PCDH12: variants seen among roughly 807,000 people sequenced by gnomAD.
The protein encoded by PCDH12 is protocadherin-12.
Under a neutral mutation model 70.9 loss-of-function variants are expected in PCDH12, and 45 were observed. The ratio of observed to expected loss-of-function variants is 0.63; its 90% CI spans 0.50 to 0.81. The LOEUF (loss-of-function observed/expected upper bound fraction) is 0.81. Among genes scored for constraint, PCDH12 ranks in the 40% least tolerant of loss-of-function variants. PCDH12 has a pLI of 0.00. For missense variants in PCDH12, 1,370 were observed against 1,491.7 expected, an observed-to-expected ratio of 0.92 and a Z score of 1.34; for synonymous variants, 567 against 626.0, an observed-to-expected ratio of 0.91 and a Z score of 1.41.
At position 141,945,219 on chromosome 5, in the gene PCDH12, C is replaced by T; in HGVS notation, c.*162G>A. The T allele has an allele frequency of 1.2e-6, 1 of 828,558 alleles. No individual in the cohort carries two copies. Among genetic ancestry groups the T allele is most frequent in the Non-Finnish European group, 1.9e-6 (1 of 521,488 alleles). The allele number at this position is 828,558 out of a possible 1,614,324, so 51.3% of individuals were successfully genotyped here. A position where few individuals can be genotyped will look rare whatever the true frequency, so the allele number is the denominator to read the frequency against. ...ACAAGGGGCTGCTTTGGTCAGTCAG[C>T]TGTTAGTCCTGGGGCTCTTGCCTCC... is the stretch of plus-strand genomic sequence containing the variant. On this transcript the variant is annotated 3_prime_UTR_variant, in exon 4 of 4. Coordinates refer to ENST00000231484, the MANE Select transcript of PCDH12 (RefSeq NM_016580.4).
chr5:141,951,850 C>T (rs1753090379), intron 1 of PCDH12, among the ~76,000 whole-genome samples: 2 of 152,232 alleles, frequency 1.3e-5, no homozygotes, highest in South Asian at 2.1e-4. Flanking sequence ...CCCTCATACT[C>T]ATTCCTCCGA....
At chr5:141,949,313 T>C in intron 3 of PCDH12, 119 bp downstream of exon 3, 1 of 1,491,572 alleles carries the variant, frequency 6.7e-7, no homozygotes, top group Non-Finnish European at 8.9e-7. Flanking sequence ...AGTTAAATGT[T>C]GCTGATGTTC....
chr5:141,947,602 C>CT (rs1752970806), intron 3 of PCDH12, among the ~76,000 whole-genome samples: 1 of 152,234 alleles, frequency 6.6e-6, no homozygotes. Flanking sequence ...CTTAACCTCT[C>CT]TAAGCTCCCG....
Position 141,955,868 on chromosome 5 carries a change from T to G in PCDH12, c.1984A>C (p.Asn662His). ...TCACTCCCAATGAGGCTGCTGGCATTGGTGACATTGACGAACAGCTGCCCC... is the reference window on the plus strand; with the variant it reads ...TCACTCCCAATGAGGCTGCTGGCATGGGTGACATTGACGAACAGCTGCCCC... ...HTGQLFVNVT[N>H]ASSLIGSEWE... The change falls in exon 1 of 4, where the codon AAT becomes CAT. Residue 662 changes from asparagine (N) to histidine (H), a missense_variant. Transcript: ENST00000231484. This position sits in a 1 kb window ranked among gnomAD's most constrained non-coding sequence, Gnocchi z 5.5. 1 of 1,614,168 alleles carries G rather than the reference T, an allele frequency of 6.2e-7. No individual in the cohort carries two copies. Among genetic ancestry groups the G allele is most frequent in the Non-Finnish European group, 8.5e-7 (1 of 1,180,030 alleles).
Position 141,944,444 on chromosome 5 carries a change from T to C in PCDH12, c.*937A>G, listed in dbSNP as rs1752853919. 6.6e-6 allele frequency: 1 copy of C among 152,288 alleles called. No individual in the cohort carries two copies. The highest frequency in any genetic ancestry group is 2.4e-5 in the African/African-American group (1 of 41,464). The allele number at this position is 152,288 out of a possible 1,614,324, so 9.4% of individuals were successfully genotyped here. ...CCCGAGGGAGCTCGAGCAAGTTCAC[T>C]GCTGCCAACAGCTCACCTCCAGGGC... On this transcript the variant is annotated 3_prime_UTR_variant, in exon 4 of 4. Transcript: ENST00000231484.
chr5:141,957,946 G>T lies in PCDH12; in HGVS notation c.-95C>A. On this transcript the variant is annotated 5_prime_UTR_variant, in exon 1 of 4. Coordinates refer to ENST00000231484, the MANE Select transcript of PCDH12 (RefSeq NM_016580.4). The surrounding 1 kb of genome is among the most constrained non-coding windows in gnomAD (Gnocchi z 4.3). ...TTTCCTGGATGGCTTGATCAGCCCCGTGCTCCTTCCCCCAGAGCTGCCGGC... is the reference window on the plus strand; with the variant it reads ...TTTCCTGGATGGCTTGATCAGCCCCTTGCTCCTTCCCCCAGAGCTGCCGGC... 1.4e-6 allele frequency: 2 copies of T among 1,421,374 alleles called. No homozygotes were observed. The highest frequency in any genetic ancestry group is 1.9e-6 in the Non-Finnish European group (2 of 1,057,412). 88.0% of individuals were successfully genotyped at this position (1,421,374 alleles called of 1,614,324 possible). A position where few individuals can be genotyped will look rare whatever the true frequency, so the allele number is the denominator to read the frequency against.
At chr5:141,953,271 C>T (rs113295532) in intron 1 of PCDH12, 7 of 152,310 alleles carry the variant, frequency 4.6e-5, no homozygotes, top group African/African-American at 1.7e-4. Flanking sequence ...GAAAATTACT[C>T]AGTTTCCTCA....
chr5:141,946,880 A>T (rs1451561401), intron 3 of PCDH12, among the ~76,000 whole-genome samples: 1 of 147,216 alleles, frequency 6.8e-6, no homozygotes, highest in East Asian at 2.0e-4. Flanking sequence ...TCTTGGAGTT[A>T]AGAAACAGTG....
chr5:141,957,182 T>A lies in PCDH12; in HGVS notation c.670A>T (p.Lys224Ter). 6.2e-7 allele frequency: 1 copy of A among 1,614,122 alleles called. No homozygotes were observed. The highest frequency in any genetic ancestry group is 8.5e-7 in the Non-Finnish European group (1 of 1,180,016). ...ACCTTGACCAAGCTGGTACCTGACT[T>A]GGGGGGGTTCCCATTGTCATAGGCA... ...LTAYDNGNPP[K>*]SGTSLVKVNV... is the part of the protein sequence containing the mutation. The change falls in exon 1 of 4, where the codon AAG becomes TAG. Residue 224 changes from lysine (K) to a stop codon, truncating the protein, a stop_gained. Transcript: ENST00000231484. LOFTEE classifies it high-confidence loss of function. The surrounding 1 kb of genome is among the most constrained non-coding windows in gnomAD (Gnocchi z 4.3).
rs1362829196 is a variant in PCDH12, at chr5:141,956,619, C to T, written c.1233G>A (p.Met411Ile). ...TGTCCAGTGTGGCATTGGTTAGCAA[C>T]ATGTATGTGTTGCCATTAGTTCTTT... ...RLKRTNGNTY[M>I]LLTNATLDRE... Residue 411 changes from methionine (M) to isoleucine (I), a missense_variant, in exon 1 of 4, where the codon ATG becomes ATA. By Grantham distance (10) the Met-to-Ile change is conservative. Coordinates refer to ENST00000231484, the MANE Select transcript of PCDH12 (RefSeq NM_016580.4). 2.5e-6 allele frequency: 4 copies of T among 1,614,212 alleles called. No homozygotes were observed. Among genetic ancestry groups the T allele is most frequent in the East Asian group, 4.5e-5 (2 of 44,882 alleles).
chr5:141,945,110 C>G lies in PCDH12; in HGVS notation c.*271G>C. 3 of 492,174 alleles carry G rather than the reference C, an allele frequency of 6.1e-6. No homozygotes were observed. Among genetic ancestry groups the G allele is most frequent in the Non-Finnish European group, 1.1e-5 (3 of 276,884 alleles). 30.5% of individuals were successfully genotyped at this position (492,174 alleles called of 1,614,324 possible). A position where few individuals can be genotyped will look rare whatever the true frequency, so the allele number is the denominator to read the frequency against. On this transcript the variant is annotated 3_prime_UTR_variant, in exon 4 of 4. Transcript: ENST00000231484. Reference sequence around the variant, plus strand: ...CATCTGTTCTGCCAGAGGACTGACCCTTTGTGCTCCACATATGTTTTGCCA... The same window carrying G: ...CATCTGTTCTGCCAGAGGACTGACCGTTTGTGCTCCACATATGTTTTGCCA...
At chr5:141,949,649 A>G in intron 2 of PCDH12, 66 bp from the exon 3 acceptor site, 1 of 1,551,458 alleles carries the variant, frequency 6.4e-7, no homozygotes, top group East Asian at 2.3e-5. Flanking sequence ...ATTCATGCCC[A>G]TTCATGTTTG....
At position 141,945,391 on chromosome 5, in the gene PCDH12, C is replaced by G; in HGVS notation, c.3545G>C (p.Arg1182Thr). The G allele has an allele frequency of 7.4e-7, 1 of 1,347,934 alleles. No homozygotes were observed. Among genetic ancestry groups the G allele is most frequent in the Middle Eastern group, 1.9e-4 (1 of 5,378 alleles). 83.5% of individuals were successfully genotyped at this position (1,347,934 alleles called of 1,614,324 possible). Residue 1182 changes from arginine (R) to threonine (T), a missense_variant, in exon 4 of 4, where the codon AGG becomes ACG. By Grantham distance (71) the Arg-to-Thr change is moderately conservative (BLOSUM62 -1). Coordinates refer to ENST00000231484, the MANE Select transcript of PCDH12 (RefSeq NM_016580.4). ...GCGTCTGAGGTATGTTCACAGGCACCTGCTGCTGCTGCTGCTGCCTCTGCT... is the reference window on the plus strand; with the variant it reads ...GCGTCTGAGGTATGTTCACAGGCACGTGCTGCTGCTGCTGCTGCCTCTGCT... ...GKSRGSSSSSRCL is the reference protein window; with the variant it reads ...GKSRGSSSSSTCL
At chr5:141,949,390 T>TG (rs761387059) in intron 3 of PCDH12, 42 bp downstream of exon 3, 55 of 1,579,918 alleles carry the variant, frequency 3.5e-5, no homozygotes, top group Middle Eastern at 3.6e-4. Flanking sequence ...TTGGACACCA[T>TG]GGGGCAGAAG....
In PCDH12 at chr5:141,945,147, TC is replaced by T; in HGVS notation, c.*233del. 1.8e-6 allele frequency: 1 copy of T among 570,108 alleles called. No individual in the cohort carries two copies. Among genetic ancestry groups the T allele is most frequent in the South Asian group, 2.3e-5 (1 of 43,670 alleles). The allele number at this position is 570,108 out of a possible 1,614,324, so 35.3% of individuals were successfully genotyped here. A position where few individuals can be genotyped will look rare whatever the true frequency, so the allele number is the denominator to read the frequency against. Reference sequence around the variant, plus strand: ...CATATGTTTTGCCAGGAAACACTTATCTCAGCCACAAACCGTCCCTGTCCTC... The same window carrying T: ...CATATGTTTTGCCAGGAAACACTTATTCAGCCACAAACCGTCCCTGTCCTC... On this transcript the variant is annotated 3_prime_UTR_variant, in exon 4 of 4. Transcript: ENST00000231484.
chr5:141,957,058 T>C lies in PCDH12; in HGVS notation c.794A>G (p.Lys265Arg). Residue 265 changes from lysine (K) to arginine (R), a missense_variant, in exon 1 of 4, where the codon AAA (lysine) becomes AGA (arginine). Physicochemically the swap from Lys to Arg is conservative, Grantham distance 26 (BLOSUM62 2). Transcript: ENST00000231484. The surrounding 1 kb of genome is among the most constrained non-coding windows in gnomAD (Gnocchi z 4.3). ...TTGGTCAGGGTCTGTGGCGGTCAGT[T>C]TTATGAGAAGCGTACCAGGTGCAGC... ...EDAAPGTLLI[K>R]LTATDPDQGP... is the part of the protein sequence containing the mutation. 6.2e-7 allele frequency: 1 copy of C among 1,614,134 alleles called. No individual in the cohort carries two copies. Among genetic ancestry groups the C allele is most frequent in the Non-Finnish European group, 8.5e-7 (1 of 1,180,012 alleles).
chr5:141,954,247 C>A lies in PCDH12; in HGVS notation c.2880+725G>T, dbSNP rs1043419634. Reference sequence around the variant, plus strand: ...AAGGTAATTTCCACTGCCCCATCCGCAGGCCCAGCCGGAAAGCTCTGGGGT... The same window carrying A: ...AAGGTAATTTCCACTGCCCCATCCGAAGGCCCAGCCGGAAAGCTCTGGGGT... On this transcript the variant is annotated intron_variant, in intron 1 of 3. Coordinates refer to ENST00000231484, the MANE Select transcript of PCDH12 (RefSeq NM_016580.4). Among the ~76,000 whole-genome samples the A allele has an allele frequency of 4.6e-5, 7 of 152,216 alleles. No individual in the cohort carries two copies. The East Asian group carries it at 1.3e-3, about 29-fold the overall frequency.
In PCDH12 at chr5:141,951,551, A is replaced by G; in HGVS notation, c.2920T>C (p.Phe974Leu). 6.2e-7 allele frequency: 1 copy of G among 1,614,192 alleles called. No homozygotes were observed. Among genetic ancestry groups the G allele is most frequent in the East Asian group, 2.2e-5 (1 of 44,886 alleles). ...QLLSLLHQGQ[F>L]QPKPNHRGNK... is the part of the protein sequence containing the mutation. ...CCTCGGTGGTTTGGTTTGGGCTGGA[A>G]TTGGCCCTGATGCAGCAAGGACAGC... Residue 974 changes from phenylalanine (F) to leucine (L), a missense_variant, in exon 2 of 4, where the codon TTC becomes CTC. Physicochemically the swap from Phe to Leu is conservative, Grantham distance 22. Coordinates refer to ENST00000231484, the MANE Select transcript of PCDH12 (RefSeq NM_016580.4).
chr5:141,945,565 C>T lies in PCDH12; in HGVS notation c.3371G>A (p.Arg1124His), dbSNP rs1201731397. 4 of 1,613,878 alleles carry T rather than the reference C, an allele frequency of 2.5e-6. No individual in the cohort carries two copies. The highest frequency in any genetic ancestry group is 2.2e-5 in the East Asian group (1 of 44,892). Residue 1124 changes from arginine to histidine, a missense_variant, in exon 4 of 4, where the codon CGC becomes CAC. Transcript: ENST00000231484. ...GGCGGCCTCCACGGGCATGCTGGAG[C>T]GCTGTTCCAGCAGCATCTCCAGCAG... Reference protein sequence around the residue: ...SSLLEMLLEQRSSMPVEAASE... With the variant: ...SSLLEMLLEQHSSMPVEAASE...
Sources: allele counts gnomAD v4.1 joint callset (sites outside exome capture counted in the v4.1 genomes callset), GRCh38; gene constraint gnomAD v4.1.1; non-coding constraint Gnocchi (gnomAD v3.1); transcripts MANE v1.5; gene names NCBI Gene and HGNC (gene_info 2026-07-23, HGNC 2026-07-21).